Variants in MSH3 observed in about 807,000 individuals in gnomAD.
MSH3 encodes the protein mutS homolog 3, also known as DNA mismatch repair protein Msh3.
MSH3 carries 106 observed loss-of-function variants against 123.3 expected under a neutral mutation model. The observed-to-expected ratio is 0.86, with a 90% CI of 0.73 to 1.01. MSH3 has a LOEUF of 1.01. Among genes scored for constraint, MSH3 ranks in the 50% least tolerant of loss-of-function variants. MSH3 has a pLI of 0.00. For missense variants in MSH3, 1,459 were observed against 1,347.6 expected, an observed-to-expected ratio of 1.08 and a Z score of -1.29; for synonymous variants, 515 against 481.4, an observed-to-expected ratio of 1.07 and a Z score of -0.91.
chr5:80,692,611 AATAT>A (rs1311605210), intron 8 of MSH3, among the ~76,000 whole-genome samples: 2 of 146,490 alleles, frequency 1.4e-5, no homozygotes, highest in Admixed American at 6.8e-5. Flanking sequence ...TATATAGATG[AATAT>A]ATATAAACAT....
In MSH3 at chr5:80,764,358, A is replaced by T. The variant is rs537209793; in HGVS notation, c.1896+2680A>T. On this transcript the variant is annotated intron_variant, in intron 13 of 23. Coordinates refer to ENST00000265081, the MANE Select transcript of MSH3 (RefSeq NM_002439.5). ...GGATCTCAAGTGAGCTGATTCTGGTATAAAATAGACATTTCTTCTTCTTCT... is the reference window on the plus strand; with the variant it reads ...GGATCTCAAGTGAGCTGATTCTGGTTTAAAATAGACATTTCTTCTTCTTCT... Among the ~76,000 whole-genome samples, 3 of 151,880 alleles carry T rather than the reference A, an allele frequency of 2.0e-5. No individual in the cohort carries two copies. In the South Asian group the frequency reaches 6.2e-4, roughly 31 times the overall value.
intron 2 of MSH3, among the ~76,000 whole-genome samples, chr5:80,662,853 A>G (rs1438589044): frequency 1.3e-5 from 2 of 151,822 alleles, no homozygotes; most frequent in Non-Finnish European, 2.9e-5. Flanking sequence ...TTATTTGGGA[A>G]GCAAGAATTG....
intron 17 of MSH3, among the ~76,000 whole-genome samples, chr5:80,785,885 A>G (rs563581361): frequency 1.3e-5 from 2 of 152,070 alleles, no homozygotes; most frequent in East Asian, 1.9e-4. Flanking sequence ...GTAAACTATC[A>G]CAAGAACAAA....
rs1414244466 is a variant in MSH3, at chr5:80,665,117, TGTTTTC to T, written c.359-25_359-20del. 3 of 1,584,406 alleles carry T rather than the reference TGTTTTC, an allele frequency of 1.9e-6. No homozygotes were observed. In the Admixed American group the frequency reaches 5.0e-5, roughly 27 times the overall value. ...AATGAGACCAAAATTACTATTGTTCTGTTTTCTTCTTATTTGCTGCCTAAGAGCCAA... is the reference window on the plus strand; with the variant it reads ...AATGAGACCAAAATTACTATTGTTCTTTCTTATTTGCTGCCTAAGAGCCAA... On this transcript the variant is annotated intron_variant, in intron 2 of 23. Coordinates refer to ENST00000265081, the MANE Select transcript of MSH3 (RefSeq NM_002439.5).
intron 7 of MSH3, among the ~76,000 whole-genome samples, chr5:80,676,233 G>T (rs969478817): frequency 6.6e-6 from 1 of 152,162 alleles, no homozygotes. Flanking sequence ...GTTTCACCAC[G>T]TTGGACAGGC....
In MSH3 at chr5:80,845,041, A is replaced by G. The variant is rs553735247; in HGVS notation, c.2814-9089A>G. Among the ~76,000 whole-genome samples the G allele has an allele frequency of 3.3e-5, 5 of 152,074 alleles. No individual in the cohort carries two copies. The South Asian group carries it at 6.2e-4, about 19-fold the overall frequency. ...CATGTTTTTGCAGTGGCTGGTACTGATTGTTCCTTTCCATGTTTAGTGCTT... is the reference window on the plus strand; with the variant it reads ...CATGTTTTTGCAGTGGCTGGTACTGGTTGTTCCTTTCCATGTTTAGTGCTT... On this transcript the variant is annotated intron_variant, in intron 20 of 23. Coordinates refer to ENST00000265081, the MANE Select transcript of MSH3 (RefSeq NM_002439.5).
At chr5:80,656,279 A>G in intron 1 of MSH3, 132 bp from the exon 2 acceptor site, 3 of 1,231,500 alleles carry the variant, frequency 2.4e-6, no homozygotes, top group Admixed American at 3.6e-5. Context: ...TCCAGAGCTA[A>G]AAGTAGAGGA....
At chr5:80,732,134 A>G (rs1743423113) in intron 10 of MSH3, among the ~76,000 whole-genome samples, 1 of 152,298 alleles carries the variant, frequency 6.6e-6, no homozygotes, top group African/African-American at 2.4e-5. Flanking sequence ...GTTTGTTTCA[A>G]AGAAAAATAG....
At chr5:80,723,107 A>AAATAAATG (rs1293393081) in intron 8 of MSH3, among the ~76,000 whole-genome samples, 1 of 148,684 alleles carries the variant, frequency 6.7e-6, no homozygotes, top group Non-Finnish European at 1.5e-5. Context: ...ATAAATAAAT[A>AAATAAATG]AATAAATAAA....
chr5:80,713,786 G>A (rs1375872363), intron 8 of MSH3, among the ~76,000 whole-genome samples: 3 of 71,656 alleles, frequency 4.2e-5, no homozygotes, highest in Non-Finnish European at 8.4e-5. Flanking sequence ...TGTTCTTGTC[G>A]CCTGCTATTC....
At chr5:80,776,571 A>G (rs1457007623) in intron 16 of MSH3, among the ~76,000 whole-genome samples, 2 of 152,104 alleles carry the variant, frequency 1.3e-5, no homozygotes, top group Non-Finnish European at 2.9e-5. Flanking sequence ...TTAATCAAAA[A>G]CAAATTTAGA....
chr5:80,805,640 G>A (rs1188778612), intron 19 of MSH3, among the ~76,000 whole-genome samples: 5 of 125,436 alleles, frequency 4.0e-5, no homozygotes, highest in African/African-American at 1.3e-4. Context: ...TATTGCCCAG[G>A]CTGGAGTACA....
Position 80,836,976 on chromosome 5 carries a change from A to G in MSH3, c.2814-17154A>G, listed in dbSNP as rs543444136. 4.6e-5 allele frequency among the ~76,000 whole-genome samples: 7 copies of G among 152,294 alleles called. No individual in the cohort carries two copies. In the South Asian group the frequency reaches 1.5e-3, roughly 32 times the overall value. On this transcript the variant is annotated intron_variant, in intron 20 of 23. Transcript: ENST00000265081. Reference sequence around the variant, plus strand: ...ATGCCGTGTGTTAGAGATGGCAAGGATAAATTGTTGTCATGGTGACATGGG... The same window carrying G: ...ATGCCGTGTGTTAGAGATGGCAAGGGTAAATTGTTGTCATGGTGACATGGG...
intron 16 of MSH3, among the ~76,000 whole-genome samples, chr5:80,776,710 G>T (rs1461882700): frequency 6.6e-6 from 1 of 151,548 alleles, no homozygotes; most frequent in Non-Finnish European, 1.5e-5. Context: ...ATATTTATTA[G>T]TACTGTTATC....
intron 9 of MSH3, among the ~76,000 whole-genome samples, chr5:80,726,869 C>T (rs765790349): frequency 4.6e-5 from 7 of 152,052 alleles, no homozygotes; most frequent in Non-Finnish European, 8.8e-5. Flanking sequence ...ATGACCTATC[C>T]GTGGTACCAG....
rs548322682 is a variant in MSH3, at chr5:80,745,481, A to G, written c.1763+866A>G. On this transcript the variant is annotated intron_variant, in intron 12 of 23. Coordinates refer to ENST00000265081, the MANE Select transcript of MSH3 (RefSeq NM_002439.5). Reference sequence around the variant, plus strand: ...TCTTGAAATGAGGAAACAGATTCAGAGAGCTTCACTAACTTGCTTAGTGTT... The same window carrying G: ...TCTTGAAATGAGGAAACAGATTCAGGGAGCTTCACTAACTTGCTTAGTGTT... 2.0e-5 allele frequency among the ~76,000 whole-genome samples: 3 copies of G among 152,360 alleles called. No individual in the cohort carries two copies. The South Asian group carries it at 6.2e-4, about 32-fold the overall frequency.
chr5:80,820,439 A>C (rs6151888), intron 20 of MSH3, among the ~76,000 whole-genome samples: 24,026 of 152,116 alleles, frequency 0.16, 1,990 homozygotes, highest in East Asian at 0.24. Context: ...CAAATGTTTG[A>C]TTATATTATT....
rs1354731566 is a variant in MSH3, at chr5:80,665,351, A to C, written c.567A>C (p.Gln189His). Residue 189 changes from glutamine (Q) to histidine (H), a missense_variant, in exon 3 of 24, where the codon CAA becomes CAC. Transcript: ENST00000265081. ...TTTCTTCTGAAGATTCGAAACGTCA[A>C]ATTAATCAAAAGGTATGTAACTGCT... ...NAVSSEDSKR[Q>H]INQKDTTLFD... 1.2e-6 allele frequency: 2 copies of C among 1,611,330 alleles called. No individual in the cohort carries two copies. The highest frequency in any genetic ancestry group is 1.7e-5 in the Admixed American group (1 of 59,988).
chr5:80,812,087 A>G (rs561764467), intron 19 of MSH3, among the ~76,000 whole-genome samples: 1 of 152,340 alleles, frequency 6.6e-6, no homozygotes, highest in East Asian at 1.9e-4. Context: ...TAATGGAGAT[A>G]TATTAGGTGC....
Sources: gnomAD v4.1 joint callset for allele counts (sites outside exome capture counted in the v4.1 genomes callset) on GRCh38, gnomAD v4.1.1 for gene constraint, MANE v1.5 for transcripts, NCBI Gene and HGNC (gene_info 2026-07-23, HGNC 2026-07-21) for gene names.